NRG3: variants seen among roughly 807,000 people sequenced by gnomAD.
NRG3 encodes the protein pro-neuregulin-3, membrane-bound isoform.
NRG3 carries 31 observed loss-of-function variants against 66.9 expected under a neutral mutation model. That is an observed-to-expected ratio of 0.46 (90% CI 0.35 to 0.63). The LOEUF is 0.63. Among genes scored for constraint, NRG3 ranks in the 20% least tolerant of loss-of-function variants. NRG3 has a pLI of 0.00. For missense variants in NRG3, 910 were observed against 878.9 expected, an observed-to-expected ratio of 1.04 and a Z score of -0.45; for synonymous variants, 393 against 359.4, an observed-to-expected ratio of 1.09 and a Z score of -1.06.
At chr10:82,296,402 G>A (rs1589629028) in intron 1 of NRG3, among the ~76,000 whole-genome samples, 1 of 152,302 alleles carries the variant, frequency 6.6e-6, no homozygotes, top group South Asian at 2.1e-4. Context: ...GGTGGACAAG[G>A]CAGCCAGTGG....
At chr10:82,307,178 A>G (rs1028446901) in intron 1 of NRG3, among the ~76,000 whole-genome samples, 5 of 152,186 alleles carry the variant, frequency 3.3e-5, no homozygotes, top group African/African-American at 1.2e-4. Flanking sequence ...ACACACACAT[A>G]TATACATAAT....
chr10:82,911,697 T>C (rs1412466805), intron 4 of NRG3, among the ~76,000 whole-genome samples: 1 of 151,764 alleles, frequency 6.6e-6, no homozygotes, highest in Non-Finnish European at 1.5e-5. Flanking sequence ...AATCAGTTTT[T>C]CTTTTCATTA....
intron 2 of NRG3, among the ~76,000 whole-genome samples, chr10:82,665,653 CCTTT>C (rs1245526285): frequency 6.6e-6 from 1 of 152,110 alleles, no homozygotes; most frequent in Non-Finnish European, 1.5e-5. Flanking sequence ...TTAACATTTT[CCTTT>C]CTTTCTTTAT....
At chr10:82,213,963 T>G (rs1408451448) in intron 1 of NRG3, among the ~76,000 whole-genome samples, 2 of 152,160 alleles carry the variant, frequency 1.3e-5, no homozygotes, top group South Asian at 2.1e-4. Context: ...GTGGAGGCAC[T>G]GGGCTCTTTC....
chr10:82,416,198 A>T (rs138549040), intron 2 of NRG3, among the ~76,000 whole-genome samples: 66 of 152,310 alleles, frequency 4.3e-4, no homozygotes, highest in African/African-American at 1.5e-3. Flanking sequence ...ACAAAGTCCA[A>T]ACTCTTTAGT....
In NRG3 at chr10:82,167,114, G is replaced by A. The variant is rs867243392; in HGVS notation, c.824-191625G>A. On this transcript the variant is annotated intron_variant, in intron 1 of 8. Transcript: ENST00000372141. The stretch of plus-strand genomic sequence containing the variant: ...CTTTTTAAATTATTTTTTCAAATGT[G>A]GCTTCTATTTCAACTGATTGAATTT... Among the ~76,000 whole-genome samples, 33 of 151,640 alleles carry A rather than the reference G, an allele frequency of 2.2e-4. No homozygotes were observed. In the South Asian group the frequency reaches 2.5e-3, roughly 11 times the overall value.
intron 2 of NRG3, among the ~76,000 whole-genome samples, chr10:82,447,735 C>T (rs1394478815): frequency 6.6e-6 from 1 of 152,196 alleles, no homozygotes; most frequent in Non-Finnish European, 1.5e-5. Flanking sequence ...TATTACTGAA[C>T]TTTGGAGGTG....
intron 1 of NRG3, among the ~76,000 whole-genome samples, chr10:82,220,575 T>TTTTATTA (rs2075894094): frequency 1.3e-5 from 2 of 152,166 alleles, no homozygotes; most frequent in South Asian, 4.1e-4. Context: ...GAGGAGAATC[T>TTTTATTA]GGAGGGCTTT....
chr10:81,877,728 G>C, intron 1 of NRG3: 1 of 1,360,008 alleles, frequency 7.4e-7, no homozygotes, highest in Non-Finnish European at 9.4e-7. Flanking sequence ...AACCAGAATG[G>C]CAGTAGAGCC....
chr10:81,983,111 A>G (rs2060396025), intron 1 of NRG3, among the ~76,000 whole-genome samples: 1 of 152,198 alleles, frequency 6.6e-6, no homozygotes, highest in Non-Finnish European at 1.5e-5. Flanking sequence ...TGTTGGACAC[A>G]GATGTACCAT....
intron 1 of NRG3, among the ~76,000 whole-genome samples, chr10:82,216,181 A>C (rs1228640864): frequency 6.6e-6 from 1 of 151,686 alleles, no homozygotes; most frequent in East Asian, 1.9e-4. Flanking sequence ...GGGTTTCACC[A>C]TGTTGGCCAG....
chr10:82,297,124 A>G (rs1484902959), intron 1 of NRG3, among the ~76,000 whole-genome samples: 7 of 152,144 alleles, frequency 4.6e-5, no homozygotes, highest in African/African-American at 1.7e-4. Context: ...TTTATTCTTT[A>G]TGGCTGCATA....
chr10:82,961,584 G>C (rs1468699768), intron 6 of NRG3, among the ~76,000 whole-genome samples: 8 of 152,144 alleles, frequency 5.3e-5, no homozygotes, highest in African/African-American at 1.7e-4. Flanking sequence ...CTTGACATTT[G>C]GCAAAGTCTG....
chr10:82,702,551 C>A (rs2055965769), intron 2 of NRG3, among the ~76,000 whole-genome samples: 1 of 152,128 alleles, frequency 6.6e-6, no homozygotes, highest in African/African-American at 2.4e-5. Flanking sequence ...AAGAACTTGA[C>A]AAGGTGCAGG....
At chr10:82,486,821 C>T (rs1187788753) in intron 2 of NRG3, among the ~76,000 whole-genome samples, 4 of 152,022 alleles carry the variant, frequency 2.6e-5, no homozygotes, top group African/African-American at 4.8e-5. Context: ...ATAAGCCAGT[C>T]ACAGAAGGAC....
intron 2 of NRG3, among the ~76,000 whole-genome samples, chr10:82,450,811 T>C (rs1002450416): frequency 2.0e-5 from 3 of 152,212 alleles, no homozygotes; most frequent in Non-Finnish European, 4.4e-5. Flanking sequence ...AATTTCCATG[T>C]AATGGACAGC....
At chr10:82,112,834 A>C (rs908524324) in intron 1 of NRG3, among the ~76,000 whole-genome samples, 1 of 152,128 alleles carries the variant, frequency 6.6e-6, no homozygotes, top group Admixed American at 6.5e-5. Flanking sequence ...TATTTCAGTG[A>C]TATCACAGCC....
At chr10:82,022,198 G>C (rs750761321) in intron 1 of NRG3, among the ~76,000 whole-genome samples, 13 of 152,066 alleles carry the variant, frequency 8.5e-5, no homozygotes, top group Non-Finnish European at 1.8e-4. Flanking sequence ...ATAATTTGGA[G>C]AGACTGTAGG....
chr10:82,160,440 T>A (rs2071500069), intron 1 of NRG3, among the ~76,000 whole-genome samples: 1 of 151,970 alleles, frequency 6.6e-6, no homozygotes, highest in African/African-American at 2.4e-5. Context: ...GCTATACAGA[T>A]GAAAACATCG....
Sources: allele counts gnomAD v4.1 joint callset (sites outside exome capture counted in the v4.1 genomes callset), GRCh38; gene constraint gnomAD v4.1.1; transcripts MANE v1.5; gene names NCBI Gene and HGNC (gene_info 2026-07-23, HGNC 2026-07-21).